The following UPK1B variants were observed in gnomAD, a reference collection of about 807,000 sequenced individuals.
UPK1B encodes the protein uroplakin 1B.
In UPK1B, 28 loss-of-function variants were observed where a neutral mutation model predicts 34.2. That is an observed-to-expected ratio of 0.82 (90% confidence interval 0.61 to 1.12). The LOEUF is 1.12. Ranked by LOEUF, UPK1B falls within the 50% of genes most tolerant of loss-of-function variation. The pLI, the probability that UPK1B is intolerant of heterozygous loss-of-function variation, is 0.00. For synonymous variants in UPK1B, 81 were observed against 110.4 expected (o/e 0.73, Z 1.67); for missense variants, 325 against 320.9 (o/e 1.01, Z -0.10).
At chr3:119,175,542 C>A (rs1036311313) in intron 1 of UPK1B, among the ~76,000 whole-genome samples, 1 of 147,000 alleles carries the variant, frequency 6.8e-6, no homozygotes, top group South Asian at 2.3e-4. Context: ...CCCCCTCCCC[C>A]CCGCCCCAAG....
At chr3:119,192,665 G>A (rs1358723265) in intron 5 of UPK1B, among the ~76,000 whole-genome samples, 1 of 152,102 alleles carries the variant, frequency 6.6e-6, no homozygotes, top group Non-Finnish European at 1.5e-5. Context: ...AATCTACATT[G>A]ATATACACCT....
At chr3:119,180,034 G>T (rs2077982528) in intron 1 of UPK1B, among the ~76,000 whole-genome samples, 2 of 150,482 alleles carry the variant, frequency 1.3e-5, no homozygotes, top group Admixed American at 6.6e-5. Context: ...CCAACCTCAG[G>T]TGATCTACCA....
intron 3 of UPK1B, among the ~76,000 whole-genome samples, chr3:119,188,431 A>C (rs941622555): frequency 1.3e-5 from 2 of 152,214 alleles, no homozygotes; most frequent in African/African-American, 4.8e-5. Flanking sequence ...TTTTAAAAGA[A>C]AGTATAAGCT....
Position 119,185,612 on chromosome 3 carries a change from G to A in UPK1B, c.-28-1102G>A, listed in dbSNP as rs2078014503. Among the ~76,000 whole-genome samples, 4 of 152,164 alleles carry A rather than the reference G, an allele frequency of 2.6e-5. No individual in the cohort carries two copies. The South Asian group carries it at 8.3e-4, about 32-fold the overall frequency. On this transcript the variant is annotated intron_variant, in intron 1 of 7. Transcript: ENST00000264234. ...ACATGTAGTATAATTGTGTGGGAAT[G>A]CATCTTAGTTTCCCTACTAACGCAA...
At chr3:119,190,361 T>C in intron 4 of UPK1B, 42 bp downstream of exon 4, 1 of 1,488,268 alleles carries the variant, frequency 6.7e-7, no homozygotes, top group East Asian at 2.3e-5. Flanking sequence ...GAATTATCAT[T>C]ATTATAACAA....
At chr3:119,180,113 G>T (rs1298505896) in intron 1 of UPK1B, among the ~76,000 whole-genome samples, 1 of 152,148 alleles carries the variant, frequency 6.6e-6, no homozygotes, top group Admixed American at 6.5e-5. Flanking sequence ...ACCGCGCTTG[G>T]CCTGATGTTG....
intron 1 of UPK1B, among the ~76,000 whole-genome samples, chr3:119,175,028 T>A (rs1405504922): frequency 2.9e-5 from 2 of 69,834 alleles, no homozygotes; most frequent in African/African-American, 1.2e-4. Flanking sequence ...TTTTTTTTTT[T>A]TTTTTTTTTT....
At chr3:119,178,912 G>C (rs1376255724) in intron 1 of UPK1B, among the ~76,000 whole-genome samples, 1 of 152,068 alleles carries the variant, frequency 6.6e-6, no homozygotes, top group Non-Finnish European at 1.5e-5. Context: ...CTGGCAGTGG[G>C]AATTGGTAAA....
At chr3:119,188,436 T>C (rs951780652) in intron 3 of UPK1B, among the ~76,000 whole-genome samples, 1 of 152,236 alleles carries the variant, frequency 6.6e-6, no homozygotes, top group Admixed American at 6.5e-5. Context: ...AAAGAAAGTA[T>C]AAGCTTTCAA....
chr3:119,186,871 T>C (rs1009843337), intron 2 of UPK1B, 61 bp downstream of exon 2: 40 of 1,558,906 alleles, frequency 2.6e-5, no homozygotes, highest in Non-Finnish European at 3.5e-5. Context: ...TCTAGATGAA[T>C]CAAAAGTAAG....
In UPK1B at chr3:119,203,913, CCA is replaced by C. The variant is rs760094694; in HGVS notation, c.733-3_733-2del. On this transcript the variant is annotated splice_acceptor_variant and splice_polypyrimidine_tract_variant and intron_variant, in intron 7 of 7. Transcript: ENST00000264234. LOFTEE classifies it high-confidence loss of function. ...TTATTTTTCCTTGTTTTTTTCTATTCCAGTTTTGGGTTCTCCTGGGTACCATG... is the reference window on the plus strand; with the variant it reads ...TTATTTTTCCTTGTTTTTTTCTATTCGTTTTGGGTTCTCCTGGGTACCATG... 1.2e-6 allele frequency: 2 copies of C among 1,613,588 alleles called. No individual in the cohort carries two copies. Among genetic ancestry groups the C allele is most frequent in the South Asian group, 2.2e-5 (2 of 91,058 alleles).
chr3:119,203,954 G>A lies in UPK1B; in HGVS notation c.770G>A (p.Arg257Lys). The change falls in exon 8 of 8, where the codon AGA (arginine) becomes AAA (lysine). Residue 257 changes from arginine to lysine, a missense_variant. By Grantham distance (26) the Arg-to-Lys change is conservative. Transcript: ENST00000264234. Reference sequence around the variant, plus strand: ...CTGGGTACCATGTTCTACTGGAGCAGAATTGAATATTAAGCATAAAGTGTT... The same window carrying A: ...CTGGGTACCATGTTCTACTGGAGCAAAATTGAATATTAAGCATAAAGTGTT... ...VLLGTMFYWS[R>K]IEY The A allele has an allele frequency of 6.2e-7, 1 of 1,614,018 alleles. No individual in the cohort carries two copies.
intron 5 of UPK1B, 78 bp downstream of exon 5, chr3:119,191,182 C>G: frequency 1.3e-6 from 2 of 1,482,644 alleles, no homozygotes; most frequent in Non-Finnish European, 1.8e-6. Flanking sequence ...CTCAGTGGGA[C>G]CCTATATTTT....
At chr3:119,187,584 A>G (rs1394454848) in intron 2 of UPK1B, among the ~76,000 whole-genome samples, 191 bp from the exon 3 acceptor site, 3 of 152,214 alleles carry the variant, frequency 2.0e-5, no homozygotes, top group Non-Finnish European at 4.4e-5. Context: ...AGACAGAATA[A>G]CATGTGAAGG....
At chr3:119,195,405 T>A (rs1341887851) in intron 6 of UPK1B, among the ~76,000 whole-genome samples, 2 of 152,204 alleles carry the variant, frequency 1.3e-5, no homozygotes, top group Non-Finnish European at 2.9e-5. Context: ...AAACTGCATG[T>A]TCAGATTGAG....
intron 5 of UPK1B, among the ~76,000 whole-genome samples, chr3:119,192,799 T>C (rs1281688625): frequency 6.6e-6 from 1 of 152,168 alleles, no homozygotes; most frequent in East Asian, 1.9e-4. Flanking sequence ...GCCTCATCAG[T>C]TTCTCCCTTT....
Position 119,204,131 on chromosome 3 carries a change from G to A in UPK1B, c.*164G>A, listed in dbSNP as rs2078108094. The A allele has an allele frequency of 1.5e-6, 1 of 687,128 alleles. No homozygotes were observed. The highest frequency in any genetic ancestry group is 2.0e-5 in the South Asian group (1 of 50,016). 42.6% of individuals were successfully genotyped at this position (687,128 alleles called of 1,614,324 possible). A position where few individuals can be genotyped will look rare whatever the true frequency, so the allele number is the denominator to read the frequency against. ...TCCTTTAGGATCTCAGGCTTCTGCA[G>A]TTCTCATGACTCCTACTTTTCATCC... On this transcript the variant is annotated 3_prime_UTR_variant, in exon 8 of 8. Coordinates refer to ENST00000264234, the MANE Select transcript of UPK1B (RefSeq NM_006952.4).
intron 1 of UPK1B, among the ~76,000 whole-genome samples, chr3:119,177,062 G>T (rs1176391781): frequency 1.3e-5 from 2 of 152,182 alleles, no homozygotes; most frequent in Non-Finnish European, 1.5e-5. Flanking sequence ...ATGAGGCATT[G>T]ACATGGATGG....
At chr3:119,175,676 T>C (rs1057382675) in intron 1 of UPK1B, among the ~76,000 whole-genome samples, 5 of 152,018 alleles carry the variant, frequency 3.3e-5, no homozygotes, top group African/African-American at 1.2e-4. Context: ...TTCCAATGGG[T>C]GGATGACTCC....
Sources: gnomAD v4.1 joint callset for allele counts (sites outside exome capture counted in the v4.1 genomes callset) on GRCh38, gnomAD v4.1.1 for gene constraint, MANE v1.5 for transcripts, NCBI Gene and HGNC (gene_info 2026-07-23, HGNC 2026-07-21) for gene names.